Variants in TMCO6 observed in about 807,000 individuals in gnomAD.
TMCO6 encodes transmembrane and coiled-coil domains 6.
In TMCO6, 47 loss-of-function variants were observed where a neutral mutation model predicts 61.8. The ratio of observed to expected loss-of-function variants is 0.76; its 90% CI spans 0.60 to 0.97. The LOEUF (loss-of-function observed/expected upper bound fraction) is 0.97, where lower values mean the gene tolerates loss of function less well. Among genes scored for constraint, TMCO6 ranks in the 50% least tolerant of loss-of-function variants. The pLI is 0.00. For synonymous variants in TMCO6, 261 were observed against 254.2 expected (o/e 1.03, Z -0.25); for missense variants, 557 against 601.6 (o/e 0.93, Z 0.78).
At position 140,645,167 on chromosome 5, in the gene TMCO6, G is replaced by C; in HGVS notation, c.*69G>C. ...AGCTTGTTTGTCCAGTAGAGCCTTT[G>C]GAGATTTAGGACCATAATGAGGTCT... On this transcript the variant is annotated 3_prime_UTR_variant, in exon 12 of 12. Transcript: ENST00000394671. 6.7e-7 allele frequency: 1 copy of C among 1,489,816 alleles called. No homozygotes were observed. The highest frequency in any genetic ancestry group is 2.3e-5 in the East Asian group (1 of 44,256). The allele number at this position is 1,489,816 out of a possible 1,614,324, so 92.3% of individuals were successfully genotyped here.
upstream of TMCO6, among the ~76,000 whole-genome samples, chr5:140,637,297 C>T (rs560321230): frequency 3.3e-5 from 5 of 152,224 alleles, no homozygotes; most frequent in Non-Finnish European, 7.4e-5. Flanking sequence ...GTGAGGAACA[C>T]GGTTTTTTAT....
the TMCO6 span, among the ~76,000 whole-genome samples, chr5:140,633,936 C>T: frequency 6.6e-6 from 1 of 151,754 alleles, no homozygotes; most frequent in Non-Finnish European, 1.5e-5. Context: ...TTACAAGTGC[C>T]CACCACCACA....
At chr5:140,634,314 G>A in the TMCO6 span, among the ~76,000 whole-genome samples, 2 of 151,720 alleles carry the variant, frequency 1.3e-5, no homozygotes, top group Admixed American at 1.3e-4. Context: ...TAACTCACCA[G>A]TTTCGCAAAA....
chr5:140,622,282 A>G, the TMCO6 span, among the ~76,000 whole-genome samples: 1 of 152,114 alleles, frequency 6.6e-6, no homozygotes, highest in South Asian at 2.1e-4. Flanking sequence ...AAAAGAATCA[A>G]CGTGAATATC....
the TMCO6 span, among the ~76,000 whole-genome samples, chr5:140,618,529 G>A: frequency 1.3e-5 from 2 of 151,818 alleles, no homozygotes; most frequent in Admixed American, 6.6e-5. Context: ...GGGGGTATAT[G>A]TGTAGGTTTG....
chr5:140,599,544 A>T, the TMCO6 span, among the ~76,000 whole-genome samples: 4 of 152,320 alleles, frequency 2.6e-5, no homozygotes, highest in South Asian at 4.1e-4. Flanking sequence ...TCACCTTGGA[A>T]CTGCGATTAT....
At chr5:140,610,730 A>C in the TMCO6 span, among the ~76,000 whole-genome samples, 1 of 152,140 alleles carries the variant, frequency 6.6e-6, no homozygotes, top group Non-Finnish European at 1.5e-5. Context: ...TCTTTTACTA[A>C]TTTTCATGGC....
chr5:140,618,771 T>A, the TMCO6 span, among the ~76,000 whole-genome samples: 2 of 152,008 alleles, frequency 1.3e-5, no homozygotes, highest in East Asian at 3.8e-4. Flanking sequence ...GAAATCCACA[T>A]GCAAAAACAT....
Position 140,643,927 on chromosome 5 carries a change from C to A in TMCO6, c.1066C>A (p.Leu356Met), listed in dbSNP as rs758784391. 2 of 1,614,230 alleles carry A rather than the reference C, an allele frequency of 1.2e-6. No individual in the cohort carries two copies. The highest frequency in any genetic ancestry group is 2.2e-5 in the South Asian group (2 of 91,084). ...GTTCTTTTTCCAGAAACAGCCCAGTCTGCTCCCTGAGGGCCTTTGGCTCCT... is the reference window on the plus strand; with the variant it reads ...GTTCTTTTTCCAGAAACAGCCCAGTATGCTCCCTGAGGGCCTTTGGCTCCT... ...LQFFFQKQPS[L>M]LPEGLWLLNN... is the part of the protein sequence containing the mutation. Residue 356 changes from leucine (L) to methionine (M), a missense_variant, in exon 9 of 12, where the codon CTG (leucine) becomes ATG (methionine). Transcript: ENST00000394671.
the TMCO6 span, among the ~76,000 whole-genome samples, chr5:140,617,036 G>A: frequency 2.7e-5 from 4 of 150,682 alleles, no homozygotes; most frequent in South Asian, 2.1e-4. Context: ...AAGCCAAACC[G>A]TCTCAGGCAA....
At chr5:140,629,253 A>G in the TMCO6 span, among the ~76,000 whole-genome samples, 19 of 152,078 alleles carry the variant, frequency 1.2e-4, no homozygotes, top group Non-Finnish European at 2.5e-4. Flanking sequence ...TAGGTGACAG[A>G]GAGAGACTCT....
chr5:140,639,552 C>G lies in TMCO6; in HGVS notation c.25C>G (p.Leu9Val). The G allele has an allele frequency of 1.3e-6, 2 of 1,549,784 alleles. No individual in the cohort carries two copies. The highest frequency in any genetic ancestry group is 1.7e-6 in the Non-Finnish European group (2 of 1,146,450). ...CATGTGGAGCCGACGGCAGGGCCGC[C>G]TCAGGCCCACGGTCTGCGGGGTGGA... MWSRRQGR[L>V]RPTVCGVEEL... is the part of the protein sequence containing the mutation. The change falls in exon 1 of 12, where the codon CTC becomes GTC. Residue 9 changes from leucine to valine, a missense_variant. By Grantham distance (32) the Leu-to-Val change is conservative. Coordinates refer to ENST00000394671, the MANE Select transcript of TMCO6 (RefSeq NM_018502.5).
chr5:140,622,322 T>G, the TMCO6 span, among the ~76,000 whole-genome samples: 110 of 152,318 alleles, frequency 7.2e-4, 1 homozygote, highest in African/African-American at 2.5e-3. Flanking sequence ...CTCCCCATTT[T>G]TGTGACTTCT....
the TMCO6 span, among the ~76,000 whole-genome samples, chr5:140,616,370 G>A: frequency 3.3e-5 from 5 of 152,084 alleles, no homozygotes; most frequent in African/African-American, 7.2e-5. Context: ...GACCAGCCTG[G>A]GCAACATAGT....
Position 140,644,154 on chromosome 5 carries a change from T to C in TMCO6, c.1160T>C (p.Leu387Pro). The C allele has an allele frequency of 6.2e-7, 1 of 1,614,238 alleles. No homozygotes were observed. The highest frequency in any genetic ancestry group is 8.5e-7 in the Non-Finnish European group (1 of 1,180,046). ...SLLSLDLIEPLLQLLPVSNVV... is the reference protein window; with the variant it reads ...SLLSLDLIEPPLQLLPVSNVV... ...CTCTCCCTGGATCTGATTGAGCCTC[T>C]CTTACAGCTGTTGCCAGTATCTAAC... is the stretch of plus-strand genomic sequence containing the variant. Residue 387 changes from leucine (L) to proline (P), a missense_variant, in exon 10 of 12, where the codon CTC becomes CCC. Transcript: ENST00000394671.
the TMCO6 span, among the ~76,000 whole-genome samples, chr5:140,602,679 G>A: frequency 5.9e-5 from 9 of 151,914 alleles, no homozygotes; most frequent in East Asian, 3.9e-4. Context: ...CAGGAGAATC[G>A]CTTGAACCTG....
chr5:140,645,712 C>T (rs572520403), downstream of TMCO6: 27 of 1,614,126 alleles, frequency 1.7e-5, no homozygotes, highest in East Asian at 5.1e-4. Context: ...TTTAACTATT[C>T]TGCACCCTGG....
At chr5:140,629,997 CT>C in the TMCO6 span, among the ~76,000 whole-genome samples, 26 of 146,754 alleles carry the variant, frequency 1.8e-4, no homozygotes, top group East Asian at 4.0e-4. Context: ...TATCTGCTCC[CT>C]TTTTTTTTTG....
At chr5:140,618,476 G>T in the TMCO6 span, among the ~76,000 whole-genome samples, 1 of 151,810 alleles carries the variant, frequency 6.6e-6, no homozygotes, top group Non-Finnish European at 1.5e-5. Flanking sequence ...AGAAGAGAGA[G>T]CTTTTTACTT....
Sources: gnomAD v4.1 joint callset for allele counts (sites outside exome capture counted in the v4.1 genomes callset) on GRCh38, gnomAD v4.1.1 for gene constraint, MANE v1.5 for transcripts, NCBI Gene and HGNC (gene_info 2026-07-23, HGNC 2026-07-21) for gene names.